Variants in EXOC4 observed in about 807,000 individuals in gnomAD.
EXOC4 encodes SEC8-like 1.
Under a neutral mutation model 107.2 loss-of-function variants are expected in EXOC4, and 71 were observed. The ratio of observed to expected loss-of-function variants is 0.66; its 90% CI spans 0.55 to 0.81. EXOC4 has a LOEUF of 0.81. Ranked by LOEUF, EXOC4 falls within the 30% of genes least tolerant of loss-of-function variation. EXOC4 has a pLI of 0.00. For missense variants in EXOC4, 1,108 were observed against 1,189.6 expected, an observed-to-expected ratio of 0.93 and a Z score of 1.01; for synonymous variants, 456 against 441.2, an observed-to-expected ratio of 1.03 and a Z score of -0.42.
At chr7:133,501,932 AG>A (rs1203489381) in intron 9 of EXOC4, among the ~76,000 whole-genome samples, 8 of 152,136 alleles carry the variant, frequency 5.3e-5, no homozygotes, top group African/African-American at 1.7e-4. Flanking sequence ...GTCTCTTCAA[AG>A]GCTATCCAAT....
Position 133,363,609 on chromosome 7 carries a change from TAAAA to T in EXOC4, c.1007+7053_1007+7056del, listed in dbSNP as rs10714895. ...ACCTTTGTGTTTTATGTGGCAAAGT[TAAAA>T]AAAAAAAAAAAAAAAACCTACTCTC... On this transcript the variant is annotated intron_variant, in intron 6 of 17. Coordinates refer to ENST00000253861, the MANE Select transcript of EXOC4 (RefSeq NM_021807.4). Among the ~76,000 whole-genome samples the T allele has an allele frequency of 7.0e-5, 10 of 142,568 alleles. No homozygotes were observed. In the South Asian group the frequency reaches 1.1e-3, roughly 16 times the overall value. The allele number at this position is 142,568 out of a possible 152,430, so 93.5% of individuals were successfully genotyped here.
intron 9 of EXOC4, among the ~76,000 whole-genome samples, chr7:133,614,972 G>A (rs1406863787): frequency 6.6e-6 from 1 of 152,058 alleles, no homozygotes; most frequent in African/African-American, 2.4e-5. Flanking sequence ...AAGAAGCACT[G>A]CCAGAAAACA....
chr7:133,730,088 C>T (rs1251362922), intron 10 of EXOC4, among the ~76,000 whole-genome samples: 2 of 149,954 alleles, frequency 1.3e-5, no homozygotes, highest in Admixed American at 1.3e-4. Flanking sequence ...TAGAGCATGG[C>T]TTTAATTTCC....
intron 13 of EXOC4, among the ~76,000 whole-genome samples, chr7:133,920,717 T>C (rs1442890921): frequency 1.3e-5 from 2 of 152,230 alleles, no homozygotes; most frequent in Non-Finnish European, 2.9e-5. Context: ...AGAAAAGGTT[T>C]ATTTTTACCT....
At chr7:133,645,220 T>C (rs1802961027) in intron 10 of EXOC4, among the ~76,000 whole-genome samples, 1 of 151,720 alleles carries the variant, frequency 6.6e-6, no homozygotes, top group African/African-American at 2.4e-5. Context: ...GCCTCCCAAG[T>C]AGCTGGGACT....
At chr7:134,057,365 T>TAA (rs34424652) in intron 17 of EXOC4, among the ~76,000 whole-genome samples, 44 of 148,114 alleles carry the variant, frequency 3.0e-4, no homozygotes, top group Non-Finnish European at 1.0e-4. Flanking sequence ...GTGAGAAGTG[T>TAA]AAAAAAAAAA....
Position 133,475,450 on chromosome 7 carries a change from A to G in EXOC4, c.1305A>G (p.Gln435=). 1 of 1,614,034 alleles carries G rather than the reference A, an allele frequency of 6.2e-7. No individual in the cohort carries two copies. Among genetic ancestry groups the G allele is most frequent in the Non-Finnish European group, 8.5e-7 (1 of 1,179,950 alleles). The change falls in exon 8 of 18, where the codon CAA becomes CAG. Residue 435 remains glutamine, a synonymous_variant. Coordinates refer to ENST00000253861, the MANE Select transcript of EXOC4 (RefSeq NM_021807.4). ...CCTTTTTTGCCAAGAAGAAACCTCA[A>G]AGGCCAAAAAATTCTCTTTTCAAGT... is the stretch of plus-strand genomic sequence containing the variant. ...FAAFFAKKKP[Q]RPKNSLFKFE... is the part of the protein sequence containing the mutation.
chr7:133,297,648 G>A lies in EXOC4; in HGVS notation c.472-8229G>A, dbSNP rs370744334. On this transcript the variant is annotated intron_variant, in intron 3 of 17. Transcript: ENST00000253861. ...GTTATGAGAATAAAAGTGAAATATA[G>A]TACAGGAAAAGTGCTTTGTAGGATA... 7.9e-5 allele frequency among the ~76,000 whole-genome samples: 12 copies of A among 152,250 alleles called. No individual in the cohort carries two copies. The East Asian group carries it at 1.2e-3, about 15-fold the overall frequency.
intron 7 of EXOC4, among the ~76,000 whole-genome samples, chr7:133,449,126 A>G (rs1329702794): frequency 1.3e-5 from 2 of 152,094 alleles, no homozygotes; most frequent in East Asian, 1.9e-4. Flanking sequence ...AAATAAATAA[A>G]AAGAATATGG....
At chr7:133,583,613 G>A (rs186474013) in intron 9 of EXOC4, among the ~76,000 whole-genome samples, 18 of 152,268 alleles carry the variant, frequency 1.2e-4, no homozygotes, top group Admixed American at 3.3e-4. Flanking sequence ...AAATTTGAAA[G>A]AACCAGTTGT....
intron 9 of EXOC4, among the ~76,000 whole-genome samples, chr7:133,556,400 T>G (rs1800691318): frequency 6.6e-6 from 1 of 152,228 alleles, no homozygotes; most frequent in Non-Finnish European, 1.5e-5. Context: ...CTACCTTTTT[T>G]CATCTCATTT....
chr7:133,854,483 A>G (rs1370608516), intron 11 of EXOC4, among the ~76,000 whole-genome samples: 2 of 151,560 alleles, frequency 1.3e-5, no homozygotes, highest in Non-Finnish European at 2.9e-5. Context: ...CATGCTGTGA[A>G]GCTAAAGAAG....
chr7:133,971,334 GTATATA>G (rs1206467959), intron 14 of EXOC4, among the ~76,000 whole-genome samples: 62 of 41,790 alleles, frequency 1.5e-3, no homozygotes, highest in Middle Eastern at 0.018. Context: ...GGGAAAATGT[GTATATA>G]TATATATATA....
At position 134,065,229 on chromosome 7, in the gene EXOC4, A is replaced by C. The variant is rs1436615778; in HGVS notation, c.*701A>C. ...TTCTGCTGTATAAAAACCAAGAGCC[A>C]GACAATTAGACAACTATGGAGGAAT... is the stretch of plus-strand genomic sequence containing the variant. On this transcript the variant is annotated 3_prime_UTR_variant, in exon 18 of 18. Transcript: ENST00000253861. 2 of 152,306 alleles carry C rather than the reference A, an allele frequency of 1.3e-5. No homozygotes were observed. The highest frequency in any genetic ancestry group is 2.9e-5 in the Non-Finnish European group (2 of 68,034). The allele number at this position is 152,306 out of a possible 1,614,324, so 9.4% of individuals were successfully genotyped here.
intron 10 of EXOC4, among the ~76,000 whole-genome samples, chr7:133,663,584 T>G (rs10231828): frequency 0.43 from 64,775 of 151,570 alleles, 14,699 homozygotes; most frequent in Admixed American, 0.56. Flanking sequence ...GCATTTCAAT[T>G]TGTGGGATGC....
intron 17 of EXOC4, among the ~76,000 whole-genome samples, chr7:134,034,481 A>G (rs1585339473): frequency 6.6e-6 from 1 of 152,176 alleles, no homozygotes; most frequent in African/African-American, 2.4e-5. Context: ...GGTGGAGGTA[A>G]TTGAATCACG....
At chr7:133,739,478 A>C (rs2151126924) in intron 10 of EXOC4, among the ~76,000 whole-genome samples, 1 of 152,280 alleles carries the variant, frequency 6.6e-6, no homozygotes, top group African/African-American at 2.4e-5. Flanking sequence ...CCCTGTCTCC[A>C]GTCCTAATGA....
intron 9 of EXOC4, among the ~76,000 whole-genome samples, chr7:133,537,450 C>T (rs145806630): frequency 4.6e-5 from 7 of 152,280 alleles, no homozygotes; most frequent in East Asian, 3.9e-4. Context: ...CGAGCCACCA[C>T]GCCCGGCCTA....
intron 12 of EXOC4, among the ~76,000 whole-genome samples, chr7:133,906,227 A>G (rs544802588): frequency 6.6e-6 from 1 of 152,298 alleles, no homozygotes; most frequent in South Asian, 2.1e-4. Flanking sequence ...CTGTGTAGCC[A>G]GAGGCCAGGG....
Sources: gnomAD v4.1 joint callset for allele counts (sites outside exome capture counted in the v4.1 genomes callset) on GRCh38, gnomAD v4.1.1 for gene constraint, MANE v1.5 for transcripts, NCBI Gene and HGNC (gene_info 2026-07-23, HGNC 2026-07-21) for gene names.